AHCYL2: variants seen among roughly 807,000 people sequenced by gnomAD.
AHCYL2 encodes adenosylhomocysteinase like 2.
AHCYL2 carries 28 observed loss-of-function variants against 81.4 expected under a neutral mutation model. The ratio of observed to expected loss-of-function variants is 0.34; its 90% confidence interval spans 0.25 to 0.47. The LOEUF (loss-of-function observed/expected upper bound fraction) is 0.47. Ranked by LOEUF, AHCYL2 falls within the 20% of genes least tolerant of loss-of-function variation. The probability of loss-of-function intolerance (pLI) is 1.00; values close to 1 mark genes in which losing one functional copy is unlikely to be tolerated. For synonymous variants in AHCYL2, 272 were observed against 290.2 expected (o/e 0.94, Z 0.64); for missense variants, 551 against 785.1 (o/e 0.70, Z 3.56).
intron 1 of AHCYL2, among the ~76,000 whole-genome samples, chr7:129,246,651 C>T (rs1259161573): frequency 2.0e-5 from 3 of 152,074 alleles, no homozygotes; most frequent in Admixed American, 6.6e-5. Context: ...TGCGTGCCAC[C>T]GTGGCTGGCT....
intron 1 of AHCYL2, among the ~76,000 whole-genome samples, chr7:129,304,039 A>T (rs1797340963): frequency 6.6e-6 from 1 of 152,314 alleles, no homozygotes; most frequent in South Asian, 2.1e-4. Flanking sequence ...TTGAGCTGAC[A>T]CAAGACTGTC....
chr7:129,306,448 T>C (rs1169699225), intron 1 of AHCYL2, among the ~76,000 whole-genome samples: 1 of 152,182 alleles, frequency 6.6e-6, no homozygotes, highest in African/African-American at 2.4e-5. Context: ...TTTTTAATTA[T>C]TTCAATTTCA....
rs756821775 is a variant in AHCYL2 at position 129,368,658 on chromosome 7, G to A, written c.364-10980G>A. On this transcript the variant is annotated intron_variant, in intron 1 of 16. Coordinates refer to ENST00000325006, the MANE Select transcript of AHCYL2 (RefSeq NM_015328.4). This position sits in a 1 kb window ranked among gnomAD's most constrained non-coding sequence, Gnocchi z 4.4. ...CTCTGAGAAGCTCCTACCAAGATCC[G>A]TGGTTGGAAAAACAGTTATTACTCT... 9.3e-5 allele frequency: 127 copies of A among 1,371,174 alleles called. No homozygotes were observed. The highest frequency in any genetic ancestry group is 1.8e-4 in the Middle Eastern group (1 of 5,554). The allele number at this position is 1,371,174 out of a possible 1,614,324, so 84.9% of individuals were successfully genotyped here.
intron 1 of AHCYL2, among the ~76,000 whole-genome samples, chr7:129,321,302 T>A (rs80104655): frequency 0.062 from 9,404 of 152,314 alleles, 382 homozygotes; most frequent in East Asian, 0.085. Flanking sequence ...CTGTAATTTG[T>A]TGTAGATGTT....
At chr7:129,420,188 T>C (rs1797047503) in intron 12 of AHCYL2, among the ~76,000 whole-genome samples, 1 of 152,246 alleles carries the variant, frequency 6.6e-6, no homozygotes, top group African/African-American at 2.4e-5. Flanking sequence ...AGAAGTGTCC[T>C]TTCCTTGATT....
chr7:129,409,903 G>GT (rs1256759684), intron 11 of AHCYL2, among the ~76,000 whole-genome samples: 1 of 150,738 alleles, frequency 6.6e-6, no homozygotes, highest in Non-Finnish European at 1.5e-5. Context: ...AATCAGATCA[G>GT]TTTTATAGAG....
rs1797410878 is a variant in AHCYL2, at chr7:129,305,559, T to G, written c.364-74079T>G. ...TTTCTATTTATATCTTATTGTACTGTGTCTTGAAAAGTTGTAGTTATTATT... is the reference window on the plus strand; with the variant it reads ...TTTCTATTTATATCTTATTGTACTGGGTCTTGAAAAGTTGTAGTTATTATT... On this transcript the variant is annotated intron_variant, in intron 1 of 16. Coordinates refer to ENST00000325006, the MANE Select transcript of AHCYL2 (RefSeq NM_015328.4). Among the ~76,000 whole-genome samples, 4 of 152,214 alleles carry G rather than the reference T, an allele frequency of 2.6e-5. No individual in the cohort carries two copies. In the South Asian group the frequency reaches 8.3e-4, roughly 32 times the overall value.
At chr7:129,377,555 C>G in intron 1 of AHCYL2, 1 of 456,690 alleles carries the variant, frequency 2.2e-6, no homozygotes, top group Non-Finnish European at 4.4e-6. Context: ...GTGGAGCCGT[C>G]AGTTCCTGCT....
At chr7:129,357,984 T>C (rs950056935) in intron 1 of AHCYL2, among the ~76,000 whole-genome samples, 45 of 150,932 alleles carry the variant, frequency 3.0e-4, no homozygotes, top group African/African-American at 1.1e-3. Context: ...TGCACATCAC[T>C]GTTGATACCA....
In AHCYL2 at chr7:129,410,248, G is replaced by T. The variant is rs897034869; in HGVS notation, c.1366+702G>T. The T allele has an allele frequency of 1.1e-5, 18 of 1,613,772 alleles. No individual in the cohort carries two copies. The Middle Eastern group carries it at 8.2e-4, about 74-fold the overall frequency. On this transcript the variant is annotated intron_variant, in intron 11 of 16. Coordinates refer to ENST00000325006, the MANE Select transcript of AHCYL2 (RefSeq NM_015328.4). ...GCCCAATGGCTCCTTCTCCATCACT[G>T]CCTCCTACAACTTCCACATCTTCCT...
At chr7:129,267,452 C>T (rs1452303191) in intron 1 of AHCYL2, among the ~76,000 whole-genome samples, 1 of 151,948 alleles carries the variant, frequency 6.6e-6, no homozygotes, top group African/African-American at 2.4e-5. Flanking sequence ...TTGTAGGTGC[C>T]TGCCACCATG....
At chr7:129,425,215 A>G in intron 15 of AHCYL2, 74 bp downstream of exon 15, 1 of 1,364,716 alleles carries the variant, frequency 7.3e-7, no homozygotes. Context: ...GTTTGGGGGC[A>G]TTAACTTACT....
At chr7:129,261,427 G>T (rs1795639450) in intron 1 of AHCYL2, among the ~76,000 whole-genome samples, 1 of 152,142 alleles carries the variant, frequency 6.6e-6, no homozygotes, top group South Asian at 2.1e-4. Context: ...TAGAATCGTT[G>T]TTCAACCAAT....
intron 1 of AHCYL2, among the ~76,000 whole-genome samples, chr7:129,352,752 A>G (rs1488872335): frequency 6.6e-6 from 1 of 152,038 alleles, no homozygotes; most frequent in Admixed American, 6.6e-5. Context: ...TGCATCAGGT[A>G]TCTCATTGGT....
chr7:129,360,641 C>T (rs1488144241), intron 1 of AHCYL2, among the ~76,000 whole-genome samples: 2 of 152,134 alleles, frequency 1.3e-5, no homozygotes, highest in Non-Finnish European at 2.9e-5. Context: ...GATTCTTAAC[C>T]TAGACCAGGA....
chr7:129,236,196 A>G (rs1374998217), intron 1 of AHCYL2, among the ~76,000 whole-genome samples: 1 of 150,678 alleles, frequency 6.6e-6, no homozygotes, highest in Non-Finnish European at 1.5e-5. Context: ...CTAATTTTTA[A>G]TTTTAATTTT....
chr7:129,404,117 C>T (rs1051689457), intron 7 of AHCYL2, among the ~76,000 whole-genome samples: 5 of 151,706 alleles, frequency 3.3e-5, no homozygotes, highest in African/African-American at 1.2e-4. Context: ...TATATTCATT[C>T]ATTCATTCAA....
intron 1 of AHCYL2, among the ~76,000 whole-genome samples, chr7:129,317,987 A>AT (rs1276143906): frequency 6.6e-6 from 1 of 152,190 alleles, no homozygotes; most frequent in Non-Finnish European, 1.5e-5. Flanking sequence ...TAATGACTTC[A>AT]TTGTCTATAA....
chr7:129,418,963 C>G (rs1446235820), intron 12 of AHCYL2, among the ~76,000 whole-genome samples: 1 of 152,112 alleles, frequency 6.6e-6, no homozygotes, highest in East Asian at 1.9e-4. Flanking sequence ...GAAATCAGTA[C>G]CAGTCAACTC....
Sources: allele counts gnomAD v4.1 joint callset (sites outside exome capture counted in the v4.1 genomes callset), GRCh38; gene constraint gnomAD v4.1.1; non-coding constraint Gnocchi (gnomAD v3.1); transcripts MANE v1.5; gene names NCBI Gene and HGNC (gene_info 2026-07-23, HGNC 2026-07-21).